CREB5: variants seen among roughly 807,000 people sequenced by gnomAD.
The protein encoded by CREB5 is cAMP responsive element binding protein 5, also known as cyclic AMP-responsive element-binding protein 5.
A neutral mutation model predicts 57.1 loss-of-function variants in CREB5; 19 were observed. That is an observed-to-expected ratio of 0.33 (90% CI 0.23 to 0.49). CREB5 has a LOEUF of 0.49. CREB5 is among the 20% of genes least tolerant of loss of function. The pLI is 0.99. For missense variants in CREB5, 579 were observed against 671.6 expected (o/e 0.86, Z 1.52); for synonymous variants, 238 against 238.3 (o/e 1.00, Z 0.01).
intron 5 of CREB5, among the ~76,000 whole-genome samples, chr7:28,595,364 T>C (rs1275177655): frequency 6.6e-6 from 1 of 152,174 alleles, no homozygotes. Flanking sequence ...TTTTTTTCCC[T>C]CCATCGTTTT....
At chr7:28,699,835 C>G (rs1052961010) in intron 5 of CREB5, among the ~76,000 whole-genome samples, 1 of 152,158 alleles carries the variant, frequency 6.6e-6, no homozygotes, top group East Asian at 1.9e-4. Flanking sequence ...TGCCCAAGAG[C>G]TCCAGTGCCT....
At chr7:28,478,535 G>A (rs561254032) in intron 1 of CREB5, among the ~76,000 whole-genome samples, 11 of 152,248 alleles carry the variant, frequency 7.2e-5, no homozygotes, top group South Asian at 2.1e-4. Context: ...TGCCAGCAAC[G>A]TTAAAGCAGA....
At chr7:28,583,471 T>A (rs1188662277) in intron 5 of CREB5, among the ~76,000 whole-genome samples, 1 of 152,148 alleles carries the variant, frequency 6.6e-6, no homozygotes, top group African/African-American at 2.4e-5. Flanking sequence ...ACATAGAGAC[T>A]TGATGGGGAT....
At position 28,590,672 on chromosome 7, in the gene CREB5, T is replaced by TATAATAATA. The variant is rs71555752; in HGVS notation, c.464+20164_464+20172dup. Among the ~76,000 whole-genome samples the TATAATAATA allele has an allele frequency of 4.1e-3, 583 of 142,970 alleles. 2 individuals carry two copies. Among genetic ancestry groups the TATAATAATA allele is most frequent in the African/African-American group, 0.013 (508 of 39,518 alleles). The allele number at this position is 142,970 out of a possible 152,430, so 93.8% of individuals were successfully genotyped here. On this transcript the variant is annotated intron_variant, in intron 5 of 10. Coordinates refer to ENST00000357727, the MANE Select transcript of CREB5 (RefSeq NM_182898.4). ...TGCGCATGTACCCTGGAACTTAAAG[T>TATAATAATA]ATAATAATAATAATAATAATAATAA...
chr7:28,453,867 G>A (rs910666537), intron 1 of CREB5, among the ~76,000 whole-genome samples: 7 of 152,046 alleles, frequency 4.6e-5, no homozygotes, highest in African/African-American at 1.7e-4. Flanking sequence ...TCTTTACTTT[G>A]TTGGTGTGTG....
chr7:28,319,788 T>G (rs1432671929), intron 1 of CREB5, among the ~76,000 whole-genome samples: 1 of 152,194 alleles, frequency 6.6e-6, no homozygotes, highest in African/African-American at 2.4e-5. Flanking sequence ...GTAATGTGTT[T>G]GTTTAATTGA....
intron 2 of CREB5, 100 bp downstream of exon 2, chr7:28,488,346 T>C: frequency 9.8e-7 from 1 of 1,025,558 alleles, no homozygotes; most frequent in Non-Finnish European, 1.5e-6. Flanking sequence ...GCTTTCCTTC[T>C]TTACCAAGAC....
intron 4 of CREB5, among the ~76,000 whole-genome samples, chr7:28,560,891 T>TGTGTGTGTGTGTGC (rs1562797545): frequency 6.1e-4 from 12 of 19,726 alleles, no homozygotes; most frequent in Non-Finnish European, 9.3e-4. Context: ...TGCGTGCGTG[T>TGTGTGTGTGTGTGC]GTGTGCGTGC....
At chr7:28,500,944 T>TG (rs1357330747) in intron 3 of CREB5, among the ~76,000 whole-genome samples, 1 of 152,024 alleles carries the variant, frequency 6.6e-6, no homozygotes, top group Non-Finnish European at 1.5e-5. Flanking sequence ...GAGCAGAGGG[T>TG]GGGGGAGATG....
Position 28,330,401 on chromosome 7 carries a change from CTTTTT to C in CREB5, c.-25+30976_-25+30980del, listed in dbSNP as rs10699932. ...TTTAGCTTGTGCTAAGAGAACCTTA[CTTTTT>C]TTTTTTTTTTTTTTTGCATATTTAG... is the stretch of plus-strand genomic sequence containing the variant. On this transcript the variant is annotated intron_variant, in intron 1 of 9. Coordinates refer to the CREB5 transcript ENST00000396299. Among the ~76,000 whole-genome samples, 19 of 88,538 alleles carry C rather than the reference CTTTTT, an allele frequency of 2.1e-4. 2 individuals are homozygous for C. The highest frequency in any genetic ancestry group is 1.8e-3 in the Admixed American group (14 of 7,754). The allele number at this position is 88,538 out of a possible 152,430, so 58.1% of individuals were successfully genotyped here. A position where few individuals can be genotyped will look rare whatever the true frequency, so the allele number is the denominator to read the frequency against.
intron 5 of CREB5, among the ~76,000 whole-genome samples, chr7:28,665,993 A>G (rs1194029155): frequency 1.3e-5 from 2 of 152,204 alleles, no homozygotes; most frequent in Non-Finnish European, 2.9e-5. Context: ...AACTTTCTAA[A>G]GAAAAAACAG....
intron 4 of CREB5, among the ~76,000 whole-genome samples, chr7:28,509,394 C>T (rs1053239938): frequency 4.6e-5 from 7 of 152,168 alleles, no homozygotes; most frequent in African/African-American, 1.7e-4. Context: ...GGTTTGCTTC[C>T]CCTGAGGAAC....
rs1809640255 is a variant in CREB5, at chr7:28,819,478, T to A, written c.*199T>A. ...AAAAAAGGGAGTTATGCAATTAATA[T>A]CTATCAGCTTGGGAAACGCTTTGGT... On this transcript the variant is annotated 3_prime_UTR_variant, in exon 11 of 11. Coordinates refer to ENST00000357727, the MANE Select transcript of CREB5 (RefSeq NM_182898.4). 2 of 535,838 alleles carry A rather than the reference T, an allele frequency of 3.7e-6. No individual in the cohort carries two copies. The highest frequency in any genetic ancestry group is 6.3e-6 in the Non-Finnish European group (2 of 319,756). The allele number at this position is 535,838 out of a possible 1,614,324, so 33.2% of individuals were successfully genotyped here.
intron 4 of CREB5, among the ~76,000 whole-genome samples, chr7:28,547,532 T>G (rs535582937): frequency 5.6e-4 from 86 of 152,320 alleles, no homozygotes; most frequent in African/African-American, 2.0e-3. Flanking sequence ...TGAGGCATTA[T>G]GAGGCCCACC....
At position 28,823,035 on chromosome 7, in the gene CREB5, A is replaced by G. The variant is rs1299675230; in HGVS notation, c.*3756A>G. On this transcript the variant is annotated 3_prime_UTR_variant, in exon 11 of 11. Coordinates refer to ENST00000357727, the MANE Select transcript of CREB5 (RefSeq NM_182898.4). ...CAAAATGGAGAGCGTATTCTGATAG[A>G]AGGACGTCGACGGTGAATGTTCTGG... The G allele has an allele frequency of 6.6e-6, 1 of 152,640 alleles. No homozygotes were observed. The highest frequency in any genetic ancestry group is 1.5e-5 in the Non-Finnish European group (1 of 68,042). The allele number at this position is 152,640 out of a possible 1,614,324, so 9.5% of individuals were successfully genotyped here.
chr7:28,306,418 C>T (rs950714277), intron 1 of CREB5, among the ~76,000 whole-genome samples: 4 of 152,152 alleles, frequency 2.6e-5, no homozygotes, highest in Non-Finnish European at 5.9e-5. Flanking sequence ...AAACTATAGC[C>T]CATTCCTAAT....
chr7:28,684,475 G>A (rs138175867), intron 5 of CREB5, among the ~76,000 whole-genome samples: 4 of 152,294 alleles, frequency 2.6e-5, no homozygotes, highest in African/African-American at 9.6e-5. Context: ...GGCAAATATT[G>A]CTTTTTAACT....
chr7:28,762,463 T>C (rs900340479), intron 7 of CREB5, among the ~76,000 whole-genome samples: 3 of 152,320 alleles, frequency 2.0e-5, no homozygotes, highest in Admixed American at 6.5e-5. Context: ...AAATTGTACG[T>C]GCAGCATTAG....
At chr7:28,323,023 G>A (rs534399220) in intron 1 of CREB5, among the ~76,000 whole-genome samples, 26 of 152,000 alleles carry the variant, frequency 1.7e-4, no homozygotes, top group Non-Finnish European at 2.6e-4. Context: ...CCTTGTTGAC[G>A]AATTGACCAC....
Sources: allele counts gnomAD v4.1 joint callset (sites outside exome capture counted in the v4.1 genomes callset), GRCh38; gene constraint gnomAD v4.1.1; transcripts MANE v1.5; gene names NCBI Gene and HGNC (gene_info 2026-07-23, HGNC 2026-07-21).